Variants in DTNA observed in about 807,000 individuals in gnomAD.
DTNA encodes dystrophin-related protein 3.
A neutral mutation model predicts 100.7 loss-of-function variants in DTNA; 43 were observed. That is an observed-to-expected ratio of 0.43 (90% CI 0.33 to 0.55). The LOEUF (loss-of-function observed/expected upper bound fraction) is 0.55, where lower values mean the gene tolerates loss of function less well. Ranked by LOEUF, DTNA falls within the 20% of genes least tolerant of loss-of-function variation. The pLI, the probability that DTNA is intolerant of heterozygous loss-of-function variation, is 0.04. For synonymous variants in DTNA, 349 were observed against 347.9 expected, an observed-to-expected ratio of 1.00 and a Z score of -0.04; for missense variants, 798 against 953.9, an observed-to-expected ratio of 0.84 and a Z score of 2.15.
At chr18:34,495,242 C>T (rs1436612662) in intron 1 of DTNA, among the ~76,000 whole-genome samples, 3 of 152,276 alleles carry the variant, frequency 2.0e-5, no homozygotes, top group East Asian at 1.9e-4. Context: ...TCTTTTTCTA[C>T]TTTTTCTTCT....
At chr18:34,555,336 T>C (rs1393572006) in intron 1 of DTNA, among the ~76,000 whole-genome samples, 1 of 149,628 alleles carries the variant, frequency 6.7e-6, no homozygotes, top group South Asian at 2.1e-4. Flanking sequence ...GCTCCTGGAT[T>C]CATTAATTTT....
chr18:34,884,925 A>G, intron 22 of DTNA, 149 bp downstream of exon 22: 1 of 982,566 alleles, frequency 1.0e-6, no homozygotes, highest in South Asian at 1.4e-5. Context: ...GAGTCGTCTC[A>G]GTCTGTGGAG....
intron 1 of DTNA, among the ~76,000 whole-genome samples, chr18:34,509,794 A>G (rs1479645813): frequency 6.6e-6 from 1 of 152,064 alleles, no homozygotes; most frequent in African/African-American, 2.4e-5. Flanking sequence ...CTTTCCAAAC[A>G]TATGATGTAA....
chr18:34,647,114 G>T (rs2059935719), intron 1 of DTNA, among the ~76,000 whole-genome samples: 1 of 151,890 alleles, frequency 6.6e-6, no homozygotes, highest in Non-Finnish European at 1.5e-5. Flanking sequence ...CCTGTCCAAT[G>T]GTTCCTCTTT....
intron 1 of DTNA, among the ~76,000 whole-genome samples, chr18:34,576,124 G>C (rs1471718663): frequency 1.3e-5 from 2 of 152,180 alleles, no homozygotes; most frequent in East Asian, 1.9e-4. Flanking sequence ...GAAAATCCTA[G>C]AGTCCTGATC....
At chr18:34,829,694 A>G (rs927410332) in intron 11 of DTNA, among the ~76,000 whole-genome samples, 1 of 152,122 alleles carries the variant, frequency 6.6e-6, no homozygotes, top group Non-Finnish European at 1.5e-5. Context: ...TATTTTATGG[A>G]TTTCATAGCC....
At chr18:34,833,064 G>A (rs56389146) in intron 11 of DTNA, among the ~76,000 whole-genome samples, 15,843 of 151,916 alleles carry the variant, frequency 0.1, 1,052 homozygotes, top group South Asian at 0.16. Flanking sequence ...TAACCATTGC[G>A]ATAATTATTC....
chr18:34,529,854 A>G (rs1360276833), intron 1 of DTNA, among the ~76,000 whole-genome samples: 1 of 152,156 alleles, frequency 6.6e-6, no homozygotes, highest in African/African-American at 2.4e-5. Flanking sequence ...AGCAAAGAGT[A>G]TTTAGAAAAA....
chr18:34,734,695 A>G (rs2089154569), intron 1 of DTNA, among the ~76,000 whole-genome samples: 4 of 152,180 alleles, frequency 2.6e-5, no homozygotes, highest in Admixed American at 6.5e-5. Flanking sequence ...TGAAGTTAGA[A>G]GTAACCAACC....
At chr18:34,559,671 A>G (rs1242582608) in intron 1 of DTNA, among the ~76,000 whole-genome samples, 1 of 152,196 alleles carries the variant, frequency 6.6e-6, no homozygotes, top group African/African-American at 2.4e-5. Context: ...TTCAACTGAA[A>G]CAGAAGTAAA....
At chr18:34,716,580 GA>G (rs915198373) in intron 1 of DTNA, among the ~76,000 whole-genome samples, 3 of 151,888 alleles carry the variant, frequency 2.0e-5, no homozygotes, top group South Asian at 4.2e-4. Context: ...AAGAAAGAAA[GA>G]AAAAAAGCTG....
Position 34,613,309 on chromosome 18 carries a change from G to A in DTNA, c.-2+119795G>A, listed in dbSNP as rs2147608194. 2.0e-5 allele frequency among the ~76,000 whole-genome samples: 3 copies of A among 152,282 alleles called. No individual in the cohort carries two copies. In the South Asian group the frequency reaches 6.2e-4, roughly 32 times the overall value. On this transcript the variant is annotated intron_variant, in intron 1 of 19. Transcript: ENST00000283365. ...CAACCTCCCTATTCTCTGAGACACA[G>A]TAATGTTGAAATTAGGCCAAGTAAT... is the stretch of plus-strand genomic sequence containing the variant.
chr18:34,599,646 T>C (rs1030039981), intron 1 of DTNA, among the ~76,000 whole-genome samples: 12 of 152,132 alleles, frequency 7.9e-5, no homozygotes, highest in African/African-American at 2.9e-4. Context: ...TGTAGGAAAA[T>C]CATGACTTTA....
intron 7 of DTNA, 187 bp from the exon 8 acceptor site, chr18:34,817,977 C>A: frequency 1.3e-6 from 2 of 1,486,640 alleles, no homozygotes; most frequent in African/African-American, 1.4e-5. Context: ...TTCATTTCCC[C>A]ACAGGCATGA....
intron 1 of DTNA, among the ~76,000 whole-genome samples, chr18:34,569,473 G>C (rs972497377): frequency 2.0e-5 from 3 of 152,020 alleles, no homozygotes; most frequent in African/African-American, 7.2e-5. Context: ...CTATTTCTTG[G>C]TGATAGTGAG....
At chr18:34,731,359 G>A (rs1236786290) in intron 1 of DTNA, among the ~76,000 whole-genome samples, 1 of 151,492 alleles carries the variant, frequency 6.6e-6, no homozygotes, top group Non-Finnish European at 1.5e-5. Flanking sequence ...GGCGCCTGTA[G>A]TCCCAGCTAC....
At chr18:34,505,924 A>C (rs2040443923) in intron 1 of DTNA, among the ~76,000 whole-genome samples, 1 of 152,248 alleles carries the variant, frequency 6.6e-6, no homozygotes, top group Non-Finnish European at 1.5e-5. Context: ...CCATTTTCTT[A>C]TATGTTAAGA....
At chr18:34,507,830 C>G (rs538813626) in intron 1 of DTNA, among the ~76,000 whole-genome samples, 2 of 152,158 alleles carry the variant, frequency 1.3e-5, no homozygotes, top group African/African-American at 4.8e-5. Flanking sequence ...TTGTGCTACA[C>G]GCTAACGTTG....
intron 18 of DTNA, among the ~76,000 whole-genome samples, chr18:34,875,949 A>G (rs2096812054): frequency 6.6e-6 from 1 of 152,218 alleles, no homozygotes; most frequent in African/African-American, 2.4e-5. Context: ...GCACTTTCCC[A>G]TGACAGGGAG....
Sources: allele counts gnomAD v4.1 joint callset (sites outside exome capture counted in the v4.1 genomes callset), GRCh38; gene constraint gnomAD v4.1.1; transcripts MANE v1.5; gene names NCBI Gene and HGNC (gene_info 2026-07-23, HGNC 2026-07-21).